DLG2: variants seen among roughly 807,000 people sequenced by gnomAD.
The protein encoded by DLG2 is discs large MAGUK scaffold protein 2, also known as disks large homolog 2.
DLG2 carries 45 observed loss-of-function variants against 132.5 expected under a neutral mutation model. The observed-to-expected ratio is 0.34, with a 90% CI of 0.27 to 0.44. The LOEUF is 0.44. Ranked by LOEUF, DLG2 falls within the 20% of genes least tolerant of loss-of-function variation. The pLI, the probability that DLG2 is intolerant of heterozygous loss-of-function variation, is 1.00. For missense variants in DLG2, 1,045 were observed against 1,196.9 expected (o/e 0.87, Z 1.87); for synonymous variants, 424 against 419.6 (o/e 1.01, Z -0.13).
chr11:84,302,742 G>A (rs564311150), intron 7 of DLG2, among the ~76,000 whole-genome samples: 2 of 151,984 alleles, frequency 1.3e-5, no homozygotes, highest in Non-Finnish European at 2.9e-5. Flanking sequence ...AAAATATTCA[G>A]TTTTAAACTA....
In DLG2 at chr11:84,714,590, TCTCTTTC is replaced by T. The variant is rs1565749157; in HGVS notation, c.358-179866_358-179860del. On this transcript the variant is annotated intron_variant, in intron 6 of 27. Coordinates refer to ENST00000376104, the MANE Select transcript of DLG2 (RefSeq NM_001142699.3). ...TTCTCTTTCTCTTTCTCTTTCTCTT[TCTCTTTC>T]TTTCTCTTTCTCTTTCTCTTTCTCT... 1.7e-3 allele frequency among the ~76,000 whole-genome samples: 221 copies of T among 130,900 alleles called. 2 individuals carry two copies. Among genetic ancestry groups the T allele is most frequent in the South Asian group, 9.2e-3 (38 of 4,142 alleles). 85.9% of individuals were successfully genotyped at this position (130,900 alleles called of 152,430 possible).
Position 84,011,841 on chromosome 11 carries a change from T to C in DLG2, c.920-31199A>G, listed in dbSNP as rs149130673. 9.7e-3 allele frequency among the ~76,000 whole-genome samples: 1,482 copies of C among 152,256 alleles called. 16 individuals are homozygous for C. Among genetic ancestry groups the C allele is most frequent in the Non-Finnish European group, 0.015 (1,001 of 68,006 alleles). The stretch of plus-strand genomic sequence containing the variant: ...ACCACCCTTTAGTGCTAATGTTTTC[T>C]GGTCATCAAATAAAGAAATACATGT... On this transcript the variant is annotated intron_variant, in intron 11 of 27. Coordinates refer to ENST00000376104, the MANE Select transcript of DLG2 (RefSeq NM_001142699.3).
chr11:84,133,879 T>C (rs1595889955), intron 9 of DLG2, among the ~76,000 whole-genome samples: 2 of 152,088 alleles, frequency 1.3e-5, no homozygotes, highest in African/African-American at 4.8e-5. Flanking sequence ...GTAGCTGTGT[T>C]GAGCCTGGGT....
At chr11:84,880,887 C>T (rs79298462) in intron 6 of DLG2, among the ~76,000 whole-genome samples, 1,856 of 152,162 alleles carry the variant, frequency 0.012, 40 homozygotes, top group African/African-American at 0.042. Flanking sequence ...ATAAATCATT[C>T]ATTTATTCAT....
At chr11:84,930,211 G>A (rs1213209185) in intron 6 of DLG2, among the ~76,000 whole-genome samples, 1 of 151,950 alleles carries the variant, frequency 6.6e-6, no homozygotes, top group African/African-American at 2.4e-5. Flanking sequence ...CCTTCAACAT[G>A]TATTATTTGT....
chr11:85,013,449 G>A (rs987134812), intron 6 of DLG2, among the ~76,000 whole-genome samples: 2 of 152,184 alleles, frequency 1.3e-5, no homozygotes, highest in East Asian at 1.9e-4. Context: ...GATAAATAAC[G>A]ATTTTGTGAT....
chr11:83,703,140 T>C (rs2083260539), intron 18 of DLG2, among the ~76,000 whole-genome samples: 1 of 152,192 alleles, frequency 6.6e-6, no homozygotes. Flanking sequence ...AAAGCCTATT[T>C]CCTCTGTAGC....
At chr11:84,040,809 G>C (rs1371783210) in intron 11 of DLG2, among the ~76,000 whole-genome samples, 1 of 151,656 alleles carries the variant, frequency 6.6e-6, no homozygotes, top group African/African-American at 2.4e-5. Flanking sequence ...AATTACCTTG[G>C]GCAGTATGGC....
chr11:84,559,065 G>T (rs114552902), intron 6 of DLG2, among the ~76,000 whole-genome samples: 3 of 152,042 alleles, frequency 2.0e-5, no homozygotes, highest in Non-Finnish European at 2.9e-5. Context: ...ACCATTCCAC[G>T]CCTGGCAGCT....
At chr11:85,396,212 C>A (rs2087349439) in intron 3 of DLG2, among the ~76,000 whole-genome samples, 1 of 152,102 alleles carries the variant, frequency 6.6e-6, no homozygotes, top group Non-Finnish European at 1.5e-5. Flanking sequence ...AACTAACAAA[C>A]AGAAAGGAAT....
At chr11:83,823,806 T>G (rs1047705450) in intron 17 of DLG2, among the ~76,000 whole-genome samples, 6 of 152,178 alleles carry the variant, frequency 3.9e-5, no homozygotes, top group African/African-American at 1.4e-4. Flanking sequence ...TGCCTCAATC[T>G]TACAGCCTTC....
intron 6 of DLG2, among the ~76,000 whole-genome samples, chr11:84,900,386 C>G (rs1264164920): frequency 6.6e-6 from 1 of 151,998 alleles, no homozygotes; most frequent in Non-Finnish European, 1.5e-5. Context: ...ATGTGTTAAA[C>G]TCTAACAGGC....
intron 6 of DLG2, among the ~76,000 whole-genome samples, chr11:84,844,639 T>C (rs1005446013): frequency 1.3e-5 from 2 of 152,132 alleles, no homozygotes; most frequent in Non-Finnish European, 1.5e-5. Context: ...CTTCTTCCCA[T>C]ACCAGTTGTC....
At chr11:84,405,041 T>C (rs1204237651) in intron 7 of DLG2, among the ~76,000 whole-genome samples, 1 of 152,126 alleles carries the variant, frequency 6.6e-6, no homozygotes, top group Non-Finnish European at 1.5e-5. Context: ...TCAAAGGAAA[T>C]GAATATCCTC....
intron 6 of DLG2, among the ~76,000 whole-genome samples, chr11:85,102,154 T>C (rs1447306819): frequency 1.3e-5 from 2 of 152,016 alleles, no homozygotes; most frequent in Non-Finnish European, 2.9e-5. Flanking sequence ...CTCAGGAGCA[T>C]CAATTTGCCT....
At chr11:84,530,464 G>T (rs2099333934) in intron 7 of DLG2, among the ~76,000 whole-genome samples, 1 of 152,096 alleles carries the variant, frequency 6.6e-6, no homozygotes, top group Non-Finnish European at 1.5e-5. Context: ...AGTGGGAAAA[G>T]GACATGAGCA....
Position 84,350,180 on chromosome 11 carries a change from C to A in DLG2, c.520-98889G>T, listed in dbSNP as rs199985659. Among the ~76,000 whole-genome samples, 25 of 143,528 alleles carry A rather than the reference C, an allele frequency of 1.7e-4. 1 individual carries two copies. The South Asian group carries it at 4.0e-3, about 23-fold the overall frequency. 94.2% of individuals were successfully genotyped at this position (143,528 alleles called of 152,430 possible). A position where few individuals can be genotyped will look rare whatever the true frequency, so the allele number is the denominator to read the frequency against. On this transcript the variant is annotated intron_variant, in intron 7 of 27. Coordinates refer to ENST00000376104, the MANE Select transcript of DLG2 (RefSeq NM_001142699.3). ...GCGACAGAGAGAGACTTCGTCCCCC[C>A]CCCCAAAAAAAAAAAAAAAAAATCC...
intron 11 of DLG2, among the ~76,000 whole-genome samples, chr11:84,046,135 C>A (rs2096238202): frequency 6.6e-6 from 1 of 151,596 alleles, no homozygotes; most frequent in Non-Finnish European, 1.5e-5. Context: ...ACATTTTACA[C>A]ACTATACTGT....
chr11:83,775,052 C>T (rs906843237), intron 18 of DLG2, among the ~76,000 whole-genome samples: 1 of 152,140 alleles, frequency 6.6e-6, no homozygotes, highest in African/African-American at 2.4e-5. Flanking sequence ...AGAAGACATA[C>T]TCTCCTAGCC....
Sources: gnomAD v4.1 joint callset for allele counts (sites outside exome capture counted in the v4.1 genomes callset) on GRCh38, gnomAD v4.1.1 for gene constraint, MANE v1.5 for transcripts, NCBI Gene and HGNC (gene_info 2026-07-23, HGNC 2026-07-21) for gene names.